Variants in CNTNAP2 observed in about 807,000 individuals in gnomAD.
The protein encoded by CNTNAP2 is contactin associated protein 2.
In CNTNAP2, 98 loss-of-function variants were observed where a neutral mutation model predicts 155.2. The ratio of observed to expected loss-of-function variants is 0.63; its 90% CI spans 0.54 to 0.75. CNTNAP2 has a LOEUF of 0.75. Ranked by LOEUF, CNTNAP2 falls within the 30% of genes least tolerant of loss-of-function variation. CNTNAP2 has a pLI of 0.00. For synonymous variants in CNTNAP2, 651 were observed against 631.2 expected (o/e 1.03, Z -0.47); for missense variants, 1,727 against 1,688.1 (o/e 1.02, Z -0.40).
intron 15 of CNTNAP2, among the ~76,000 whole-genome samples, chr7:148,046,555 T>G (rs1802777979): frequency 6.6e-6 from 1 of 152,194 alleles, no homozygotes; most frequent in Non-Finnish European, 1.5e-5. Context: ...GACTTCCACT[T>G]TTCCTCTCTG....
At chr7:146,119,498 A>C (rs1242688433) in intron 1 of CNTNAP2, among the ~76,000 whole-genome samples, 1 of 152,146 alleles carries the variant, frequency 6.6e-6, no homozygotes, top group Non-Finnish European at 1.5e-5. Context: ...GCGAAAATGA[A>C]CTGCTGCTGA....
At chr7:146,752,791 T>C (rs1242511966) in intron 1 of CNTNAP2, among the ~76,000 whole-genome samples, 1 of 152,192 alleles carries the variant, frequency 6.6e-6, no homozygotes, top group Admixed American at 6.5e-5. Context: ...GAGTTAATTT[T>C]TGTATGAGGT....
chr7:148,352,250 G>A (rs1798440531), intron 21 of CNTNAP2, among the ~76,000 whole-genome samples: 1 of 152,160 alleles, frequency 6.6e-6, no homozygotes, highest in South Asian at 2.1e-4. Flanking sequence ...GTGGAGGATG[G>A]ATGACAGAAG....
At chr7:146,922,697 C>T (rs1363432628) in intron 3 of CNTNAP2, among the ~76,000 whole-genome samples, 2 of 152,022 alleles carry the variant, frequency 1.3e-5, no homozygotes, top group Non-Finnish European at 2.9e-5. Flanking sequence ...TTACTTAATT[C>T]CTCTGATTCT....
At chr7:148,137,648 C>T (rs570514919) in intron 16 of CNTNAP2, among the ~76,000 whole-genome samples, 8 of 134,608 alleles carry the variant, frequency 5.9e-5, no homozygotes, top group Middle Eastern at 4.4e-3. Context: ...GGCAACAGAG[C>T]AAAAGTCTAT....
intron 1 of CNTNAP2, among the ~76,000 whole-genome samples, chr7:146,742,630 G>A (rs1801739169): frequency 6.6e-6 from 1 of 152,092 alleles, no homozygotes; most frequent in Non-Finnish European, 1.5e-5. Context: ...AATAGGATAA[G>A]TATGAATTGA....
intron 1 of CNTNAP2, among the ~76,000 whole-genome samples, chr7:146,263,378 T>C (rs966377019): frequency 6.6e-6 from 1 of 152,016 alleles, no homozygotes. Context: ...CCTTTCTCCC[T>C]TACTCTTAAG....
intron 3 of CNTNAP2, among the ~76,000 whole-genome samples, chr7:146,880,503 TTAAAA>T (rs1161144113): frequency 1.3e-5 from 2 of 152,010 alleles, no homozygotes; most frequent in Non-Finnish European, 2.9e-5. Context: ...TAAATAAAAC[TTAAAA>T]TTAAGTAAAT....
chr7:147,930,817 C>A (rs182763008), intron 14 of CNTNAP2, among the ~76,000 whole-genome samples: 1 of 152,124 alleles, frequency 6.6e-6, no homozygotes, highest in Admixed American at 6.5e-5. Context: ...TTTCAATAAA[C>A]CTAAGATTAA....
chr7:147,751,979 C>G lies in CNTNAP2; in HGVS notation c.2098+112673C>G, dbSNP rs544676058. Among the ~76,000 whole-genome samples the G allele has an allele frequency of 2.0e-5, 3 of 152,284 alleles. No homozygotes were observed. The South Asian group carries it at 6.2e-4, about 32-fold the overall frequency. Reference sequence around the variant, plus strand: ...CGGTTGGAAGCAATCGAGCTGGAATCTACACACAGGTTCTTCTGATTAGCA... The same window carrying G: ...CGGTTGGAAGCAATCGAGCTGGAATGTACACACAGGTTCTTCTGATTAGCA... On this transcript the variant is annotated intron_variant, in intron 13 of 23. Transcript: ENST00000361727.
At chr7:146,541,586 T>C (rs1442710980) in intron 1 of CNTNAP2, among the ~76,000 whole-genome samples, 1 of 152,016 alleles carries the variant, frequency 6.6e-6, no homozygotes. Flanking sequence ...GATGTTTTCC[T>C]ATTTTTGTTG....
At chr7:148,081,737 T>C (rs1803608881) in intron 15 of CNTNAP2, among the ~76,000 whole-genome samples, 2 of 151,998 alleles carry the variant, frequency 1.3e-5, no homozygotes, top group Non-Finnish European at 2.9e-5. Context: ...GGAGGATGAA[T>C]GGCAAGGAGA....
intron 13 of CNTNAP2, among the ~76,000 whole-genome samples, chr7:147,810,111 A>T (rs2116605569): frequency 6.6e-6 from 1 of 152,336 alleles, no homozygotes; most frequent in South Asian, 2.1e-4. Flanking sequence ...TGTATGGCAG[A>T]TGCCAAGTAC....
intron 8 of CNTNAP2, among the ~76,000 whole-genome samples, chr7:147,276,843 G>T (rs146595734): frequency 1.3e-5 from 2 of 151,432 alleles, no homozygotes; most frequent in Non-Finnish European, 2.9e-5. Flanking sequence ...AAAAAAAACT[G>T]CAAATGAAGC....
At chr7:146,994,909 A>G (rs1305059757) in intron 3 of CNTNAP2, among the ~76,000 whole-genome samples, 1 of 152,034 alleles carries the variant, frequency 6.6e-6, no homozygotes. Flanking sequence ...ATTATTATCT[A>G]TGGTTGCCAT....
At chr7:146,346,608 G>A (rs1321674235) in intron 1 of CNTNAP2, among the ~76,000 whole-genome samples, 1 of 152,088 alleles carries the variant, frequency 6.6e-6, no homozygotes, top group African/African-American at 2.4e-5. Context: ...CTTGAGCCCG[G>A]GAGGCAAAGG....
chr7:146,784,851 G>T (rs1444798197), intron 2 of CNTNAP2, among the ~76,000 whole-genome samples: 2 of 152,102 alleles, frequency 1.3e-5, no homozygotes, highest in South Asian at 4.1e-4. Flanking sequence ...AGAATGGTCA[G>T]GATATCTAGG....
At chr7:147,299,946 A>G (rs1794910698) in intron 8 of CNTNAP2, among the ~76,000 whole-genome samples, 195 bp from the exon 9 acceptor site, 2 of 152,214 alleles carry the variant, frequency 1.3e-5, no homozygotes, top group African/African-American at 2.4e-5. Context: ...ATTATGCCTT[A>G]TTCAGTTAGG....
intron 20 of CNTNAP2, among the ~76,000 whole-genome samples, chr7:148,247,651 A>T (rs927587894): frequency 0.039 from 4,728 of 121,078 alleles, 175 homozygotes; most frequent in African/African-American, 0.06. Flanking sequence ...TTATTTATTT[A>T]TTTATTTATT....
Sources: gnomAD v4.1 joint callset for allele counts (sites outside exome capture counted in the v4.1 genomes callset) on GRCh38, gnomAD v4.1.1 for gene constraint, MANE v1.5 for transcripts, NCBI Gene and HGNC (gene_info 2026-07-23, HGNC 2026-07-21) for gene names.